The following LEMD1 variants were observed in gnomAD, a reference collection of about 807,000 sequenced individuals.
The protein encoded by LEMD1 is LEM domain containing 1, also known as LEM domain-containing protein 1.
In LEMD1, 18 loss-of-function variants were observed where a neutral mutation model predicts 17.4. The observed-to-expected ratio is 1.04, with a 90% confidence interval of 0.72 to 1.54. The LOEUF (loss-of-function observed/expected upper bound fraction) is 1.54. LEMD1 is among the 40% of genes most tolerant of loss of function. The probability of loss-of-function intolerance (pLI) is 0.00; values close to 1 mark genes in which losing one functional copy is unlikely to be tolerated. For missense variants in LEMD1, 195 were observed against 210.4 expected, an observed-to-expected ratio of 0.93 and a Z score of 0.45; for synonymous variants, 88 against 77.8, an observed-to-expected ratio of 1.13 and a Z score of -0.69.
At chr1:205,409,555 A>G (rs1342732237) in intron 4 of LEMD1, among the ~76,000 whole-genome samples, 2 of 151,976 alleles carry the variant, frequency 1.3e-5, no homozygotes, top group Non-Finnish European at 2.9e-5. Context: ...TGTCTTGTCC[A>G]AGTTAGTAGT....
chr1:205,416,822 G>A (rs1320785317), intron 3 of LEMD1, among the ~76,000 whole-genome samples: 2 of 152,180 alleles, frequency 1.3e-5, no homozygotes, highest in East Asian at 1.9e-4. Context: ...TTTTAAATGA[G>A]CTCTCCAAGT....
At chr1:205,449,901 A>C (rs1244813838) in exon 1 of LEMD1, 1 of 152,538 alleles carries the variant, frequency 6.6e-6, no homozygotes, top group Non-Finnish European at 1.5e-5. Flanking sequence ...TTTCCCTCGC[A>C]GTCCGCCTCA....
chr1:205,395,625 A>C (rs1025776274), intron 4 of LEMD1, among the ~76,000 whole-genome samples: 2 of 152,016 alleles, frequency 1.3e-5, no homozygotes, highest in African/African-American at 2.4e-5. Context: ...AAAGAGAAAG[A>C]AATTGCTTCA....
intron 1 of LEMD1, among the ~76,000 whole-genome samples, chr1:205,444,926 T>C (rs867895648): frequency 1.6e-4 from 21 of 134,682 alleles, no homozygotes; most frequent in Middle Eastern, 3.8e-3. Flanking sequence ...AAAAGAGAAG[T>C]GACCCAGTAA....
chr1:205,409,408 T>A (rs1665279968), intron 4 of LEMD1, among the ~76,000 whole-genome samples: 1 of 152,248 alleles, frequency 6.6e-6, no homozygotes, highest in African/African-American at 2.4e-5. Context: ...AGCTCTTATT[T>A]GTACTTGCCT....
chr1:205,436,142 G>C (rs985981416), intron 1 of LEMD1: 1 of 152,418 alleles, frequency 6.6e-6, no homozygotes. Flanking sequence ...GATGGAACAC[G>C]GGAATGAGCT....
At position 205,448,896 on chromosome 1, in the gene LEMD1, TA is replaced by T. The variant is rs954538642; in HGVS notation, c.-39+971del. Among the ~76,000 whole-genome samples the T allele has an allele frequency of 3.3e-5, 5 of 152,238 alleles. No individual in the cohort carries two copies. Among genetic ancestry groups the T allele is most frequent in the African/African-American group, 1.2e-4 (5 of 41,540 alleles). On this transcript the variant is annotated intron_variant, in intron 1 of 3. Coordinates refer to the LEMD1 transcript ENST00000367154. This position sits in a 1 kb window ranked among gnomAD's most constrained non-coding sequence, Gnocchi z 4.7. ...GTAAAGGAGGGCAGCGATGAGGACCTACCCTTTGTTTAGAGGGGTTAAATAG... is the reference window on the plus strand; with the variant it reads ...GTAAAGGAGGGCAGCGATGAGGACCTCCCTTTGTTTAGAGGGGTTAAATAG...
rs917962442 is a variant in LEMD1, at chr1:205,397,207, G to A, written c.271-12843C>T. On this transcript the variant is annotated intron_variant, in intron 4 of 5. Coordinates refer to ENST00000367153, the MANE Select transcript of LEMD1 (RefSeq NM_001199050.2). ...TAATACCATGGAAAGGACACTGAGG[G>A]GAGCTATTTCATCACTCAGGTGCCT... 4.6e-5 allele frequency among the ~76,000 whole-genome samples: 7 copies of A among 152,140 alleles called. No individual in the cohort carries two copies. In the East Asian group the frequency reaches 1.3e-3, roughly 29 times the overall value.
chr1:205,384,462 A>AG, intron 4 of LEMD1, 98 bp from the exon 5 acceptor site: 2 of 711,958 alleles, frequency 2.8e-6, no homozygotes, highest in Non-Finnish European at 4.3e-6. Context: ...TAATATGCCA[A>AG]AAGTTCTTGG....
At chr1:205,386,704 C>T (rs1229386513) in intron 4 of LEMD1, 1 of 152,224 alleles carries the variant, frequency 6.6e-6, no homozygotes, top group Non-Finnish European at 1.5e-5. Context: ...AAGAGTGCCA[C>T]ATGCAAACAG....
At chr1:205,435,831 G>A (rs934892741) in intron 1 of LEMD1, 8 of 152,172 alleles carry the variant, frequency 5.3e-5, no homozygotes, top group African/African-American at 1.9e-4. Context: ...GAAAACCAAA[G>A]GCTCAAAAGG....
chr1:205,387,890 C>G (rs943107810), intron 4 of LEMD1, among the ~76,000 whole-genome samples: 9 of 152,236 alleles, frequency 5.9e-5, no homozygotes, highest in African/African-American at 2.2e-4. Context: ...ACGTATATGG[C>G]ATTCCCTGTG....
intron 1 of LEMD1, among the ~76,000 whole-genome samples, chr1:205,440,044 G>A (rs1204075479): frequency 2.0e-5 from 3 of 152,054 alleles, no homozygotes; most frequent in African/African-American, 4.8e-5. Context: ...CACCACATAT[G>A]AACGCAGTCC....
intron 3 of LEMD1, among the ~76,000 whole-genome samples, chr1:205,418,154 T>C (rs1460280601): frequency 6.6e-6 from 1 of 152,150 alleles, no homozygotes; most frequent in East Asian, 1.9e-4. Context: ...TTCTACTAAG[T>C]GCTGTGAGAG....
chr1:205,391,505 TG>T (rs1331801019), intron 4 of LEMD1, among the ~76,000 whole-genome samples: 4 of 152,186 alleles, frequency 2.6e-5, no homozygotes, highest in Non-Finnish European at 4.4e-5. Context: ...AAAAATTTTT[TG>T]ATGTTAACTG....
At chr1:205,386,735 C>G (rs1664049290) in intron 4 of LEMD1, 1 of 152,186 alleles carries the variant, frequency 6.6e-6, no homozygotes, top group Non-Finnish European at 1.5e-5. Context: ...CGTGTAGACA[C>G]TGTAGATTTA....
intron 4 of LEMD1, among the ~76,000 whole-genome samples, chr1:205,411,849 G>A (rs1665468775): frequency 6.6e-6 from 1 of 152,188 alleles, no homozygotes; most frequent in African/African-American, 2.4e-5. Flanking sequence ...GCAGGGACGA[G>A]CATGTTGTGC....
At chr1:205,389,212 C>CCAGT (rs1664214915) in intron 4 of LEMD1, among the ~76,000 whole-genome samples, 1 of 151,764 alleles carries the variant, frequency 6.6e-6, no homozygotes. Context: ...CCATGCCTGG[C>CCAGT]TAATTTTTGT....
Position 205,419,349 on chromosome 1 carries a change from G to T in LEMD1, c.86C>A (p.Ser29Tyr), listed in dbSNP as rs143870224. 3 of 1,614,174 alleles carry T rather than the reference G, an allele frequency of 1.9e-6. No homozygotes were observed. Among genetic ancestry groups the T allele is most frequent in the East Asian group, 4.5e-5 (2 of 44,894 alleles). ...LGFSPGPILPSTRKLYEKKLV... is the reference protein window; with the variant it reads ...LGFSPGPILPYTRKLYEKKLV... ...CTTTTTTTCATACAACTTTCTGGTGGAAGCTGAGGAAGAATTTGGAGAACA... is the reference window on the plus strand; with the variant it reads ...CTTTTTTTCATACAACTTTCTGGTGTAAGCTGAGGAAGAATTTGGAGAACA... The change falls in exon 3 of 6, where the codon TCC becomes TAC. Residue 29 changes from serine (S) to tyrosine (Y), a missense_variant. Transcript: ENST00000367153.
Sources: allele counts gnomAD v4.1 joint callset (sites outside exome capture counted in the v4.1 genomes callset), GRCh38; gene constraint gnomAD v4.1.1; non-coding constraint Gnocchi (gnomAD v3.1); transcripts MANE v1.5; gene names NCBI Gene and HGNC (gene_info 2026-07-23, HGNC 2026-07-21).